MAF: variants seen among roughly 807,000 people sequenced by gnomAD.
The protein encoded by MAF is MAF bZIP transcription factor.
A neutral mutation model predicts 22.0 loss-of-function variants in MAF; 10 were observed. The ratio of observed to expected loss-of-function variants is 0.45; its 90% CI spans 0.28 to 0.77. The LOEUF is 0.77. Among genes scored for constraint, MAF ranks in the 30% least tolerant of loss-of-function variants. The pLI is 0.12. For synonymous variants in MAF, 337 were observed against 255.8 expected (o/e 1.32, Z -3.03); for missense variants, 544 against 548.4 (o/e 0.99, Z 0.08).
the MAF span, among the ~76,000 whole-genome samples, chr16:79,390,048 A>G: frequency 6.6e-6 from 1 of 151,558 alleles, no homozygotes; most frequent in Non-Finnish European, 1.5e-5. Context: ...CTTTTTCCAG[A>G]AAAATCTTCA....
chr16:79,246,902 G>C, the MAF span, among the ~76,000 whole-genome samples: 12 of 113,608 alleles, frequency 1.1e-4, no homozygotes, highest in African/African-American at 5.9e-4. Context: ...TGTTGACTCT[G>C]TGCCAGGTAC....
At chr16:79,503,583 T>C in the MAF span, among the ~76,000 whole-genome samples, 1 of 152,234 alleles carries the variant, frequency 6.6e-6, no homozygotes, top group Non-Finnish European at 1.5e-5. Flanking sequence ...TGGATTTCAT[T>C]GTGGCTGGAT....
chr16:79,465,749 C>A, the MAF span, among the ~76,000 whole-genome samples: 1 of 152,080 alleles, frequency 6.6e-6, no homozygotes, highest in Non-Finnish European at 1.5e-5. Context: ...TCTCTCTGAC[C>A]TTCAATATCC....
the MAF span, among the ~76,000 whole-genome samples, chr16:79,252,921 G>A: frequency 1.3e-5 from 2 of 152,168 alleles, no homozygotes; most frequent in African/African-American, 2.4e-5. Context: ...GGGATAGATG[G>A]GAACTCCGTA....
At chr16:79,509,191 G>A in the MAF span, among the ~76,000 whole-genome samples, 1 of 152,144 alleles carries the variant, frequency 6.6e-6, no homozygotes, top group Non-Finnish European at 1.5e-5. Context: ...CCGAGGCGTG[G>A]TAGCAAACCC....
chr16:79,227,690 T>C, the MAF span, among the ~76,000 whole-genome samples: 1 of 148,668 alleles, frequency 6.7e-6, no homozygotes, highest in African/African-American at 2.5e-5. Flanking sequence ...GAAGTATTGA[T>C]TTTTTTTTTG....
the MAF span, among the ~76,000 whole-genome samples, chr16:79,262,381 G>A: frequency 6.6e-6 from 1 of 152,200 alleles, no homozygotes; most frequent in African/African-American, 2.4e-5. Flanking sequence ...AATAGAAAAT[G>A]TAGACAAAGG....
the MAF span, chr16:79,203,671 A>C: frequency 1.4e-4 from 22 of 152,140 alleles, no homozygotes; most frequent in African/African-American, 5.1e-4. Flanking sequence ...TAAAAGACGT[A>C]ATTTTGCAGG....
the MAF span, among the ~76,000 whole-genome samples, chr16:79,258,040 T>A: frequency 4.6e-5 from 7 of 152,172 alleles, no homozygotes; most frequent in Admixed American, 3.9e-4. Context: ...TAAGTACAAA[T>A]GGCCAGATAA....
At chr16:79,462,751 T>G in the MAF span, among the ~76,000 whole-genome samples, 2 of 152,356 alleles carry the variant, frequency 1.3e-5, no homozygotes, top group Non-Finnish European at 2.9e-5. Flanking sequence ...TTTGGACCTA[T>G]ACCTACACAT....
the MAF span, among the ~76,000 whole-genome samples, chr16:79,527,361 C>T: frequency 6.6e-6 from 1 of 152,204 alleles, no homozygotes; most frequent in Non-Finnish European, 1.5e-5. Flanking sequence ...GCAATCAACT[C>T]CCCAAGTGAC....
chr16:79,377,803 G>A, the MAF span, among the ~76,000 whole-genome samples: 1 of 152,094 alleles, frequency 6.6e-6, no homozygotes, highest in Admixed American at 6.5e-5. Context: ...CCCATTTCTT[G>A]TTTTTGTCAG....
At chr16:79,526,165 G>A in the MAF span, among the ~76,000 whole-genome samples, 1 of 152,188 alleles carries the variant, frequency 6.6e-6, no homozygotes, top group Non-Finnish European at 1.5e-5. Flanking sequence ...CGTTAGACCA[G>A]CAGTCCCCAA....
At chr16:79,586,043 G>A in intron 1 of MAF, 1 of 570,376 alleles carries the variant, frequency 1.8e-6, no homozygotes, top group Non-Finnish European at 3.0e-6. Context: ...CTATCAAAAG[G>A]GCAGAATTAC....
chr16:79,518,746 G>A, the MAF span, among the ~76,000 whole-genome samples: 1 of 152,140 alleles, frequency 6.6e-6, no homozygotes, highest in Non-Finnish European at 1.5e-5. Flanking sequence ...ACCTCATGGA[G>A]AAACCCCATC....
chr16:79,501,695 T>C, the MAF span, among the ~76,000 whole-genome samples: 2 of 152,054 alleles, frequency 1.3e-5, no homozygotes, highest in African/African-American at 2.4e-5. Context: ...CAGAAAAAAA[T>C]TGATTATTTC....
the MAF span, among the ~76,000 whole-genome samples, chr16:79,486,693 A>G: frequency 0.19 from 29,155 of 152,236 alleles, 3,431 homozygotes; most frequent in East Asian, 0.46. Context: ...TCTCCGAGAC[A>G]GAGAGAGAGC....
the MAF span, among the ~76,000 whole-genome samples, chr16:79,360,875 A>G: frequency 6.6e-6 from 1 of 152,178 alleles, no homozygotes; most frequent in Non-Finnish European, 1.5e-5. Context: ...TGCTCCTGCC[A>G]TGAAAGCTGA....
chr16:79,228,572 C>G, the MAF span, among the ~76,000 whole-genome samples: 100 of 152,210 alleles, frequency 6.6e-4, 1 homozygote, highest in African/African-American at 2.4e-3. Flanking sequence ...TGAGCCCCTG[C>G]CGGTGTTTCC....
Sources: allele counts gnomAD v4.1 joint callset (sites outside exome capture counted in the v4.1 genomes callset), GRCh38; gene constraint gnomAD v4.1.1; transcripts MANE v1.5; gene names NCBI Gene and HGNC (gene_info 2026-07-23, HGNC 2026-07-21).